Variants in PSD3 observed in about 807,000 individuals in gnomAD.
PSD3 encodes the protein pleckstrin and Sec7 domain containing 3, also known as PH and SEC7 domain-containing protein 3.
A neutral mutation model predicts 105.5 loss-of-function variants in PSD3; 49 were observed. The ratio of observed to expected loss-of-function variants is 0.46; its 90% confidence interval spans 0.37 to 0.59. The LOEUF is 0.59. Among genes scored for constraint, PSD3 ranks in the 20% least tolerant of loss-of-function variants. The probability of loss-of-function intolerance (pLI) is 0.00; values close to 1 mark genes in which losing one functional copy is unlikely to be tolerated. For synonymous variants in PSD3, 557 were observed against 457.8 expected, an observed-to-expected ratio of 1.22 and a Z score of -2.77; for missense variants, 1,561 against 1,263.8, an observed-to-expected ratio of 1.24 and a Z score of -3.57.
intron 8 of PSD3, among the ~76,000 whole-genome samples, chr8:18,777,580 A>G (rs1164801885): frequency 2.6e-5 from 4 of 152,204 alleles, no homozygotes; most frequent in African/African-American, 9.6e-5. Flanking sequence ...GGTACATGTG[A>G]TATTTTGAAA....
intron 9 of PSD3, among the ~76,000 whole-genome samples, chr8:18,662,091 G>GA (rs1457251339): frequency 2.6e-5 from 4 of 151,712 alleles, no homozygotes; most frequent in African/African-American, 9.7e-5. Flanking sequence ...CTTATGTTGT[G>GA]ATGTACTTCC....
intron 1 of PSD3, among the ~76,000 whole-genome samples, chr8:19,081,777 A>G (rs150055313): frequency 2.1e-3 from 326 of 152,292 alleles, no homozygotes; most frequent in African/African-American, 7.0e-3. Flanking sequence ...AAATTCAGCC[A>G]TTTTGAATCC....
rs201595906 is a variant in PSD3 at position 18,601,764 on chromosome 8, C to CATAT, written c.2411-1334_2411-1331dup. On this transcript the variant is annotated intron_variant, in intron 11 of 15. Coordinates refer to ENST00000327040, the MANE Select transcript of PSD3 (RefSeq NM_015310.4). ...AAGATAAACAGATAACCATACATCACATATAAAATAAATATTCACTACATT... is the reference window on the plus strand; with the variant it reads ...AAGATAAACAGATAACCATACATCACATATATATAAAATAAATATTCACTACATT... Among the ~76,000 whole-genome samples the CATAT allele has an allele frequency of 6.2e-3, 942 of 152,334 alleles. 6 individuals carry two copies. Among genetic ancestry groups the CATAT allele is most frequent in the African/African-American group, 0.021 (875 of 41,568 alleles).
intron 9 of PSD3, among the ~76,000 whole-genome samples, chr8:18,719,752 C>A (rs1802831278): frequency 6.6e-6 from 1 of 152,090 alleles, no homozygotes; most frequent in Non-Finnish European, 1.5e-5. Context: ...TATTTTTAAT[C>A]TTCAAGTTAC....
chr8:19,023,648 G>C lies in PSD3; in HGVS notation c.324+60558C>G, dbSNP rs139437631. On this transcript the variant is annotated intron_variant, in intron 1 of 1. Transcript: ENST00000521475. The stretch of plus-strand genomic sequence containing the variant: ...TAAAGGTTCTCACTATGTTGCCCAG[G>C]CTGGTCTGGAACTCCCGGCCTCAAG... Among the ~76,000 whole-genome samples, 626 of 152,000 alleles carry C rather than the reference G, an allele frequency of 4.1e-3. 4 individuals carry two copies. The highest frequency in any genetic ancestry group is 0.015 in the African/African-American group (610 of 41,448).
chr8:18,954,056 G>C (rs945033866), intron 1 of PSD3, among the ~76,000 whole-genome samples: 2 of 152,120 alleles, frequency 1.3e-5, no homozygotes, highest in African/African-American at 4.8e-5. Context: ...ATGGATACCA[G>C]CTGTATTGGT....
intron 12 of PSD3, 129 bp from the exon 13 acceptor site, chr8:18,575,414 C>A (rs1546002): frequency 3.4e-6 from 3 of 877,006 alleles, no homozygotes; most frequent in Non-Finnish European, 4.8e-6. Context: ...ATGAAACAAA[C>A]GGTGAGTAAA....
chr8:18,547,304 C>G (rs1585213843), intron 15 of PSD3, among the ~76,000 whole-genome samples: 1 of 152,228 alleles, frequency 6.6e-6, no homozygotes, highest in South Asian at 2.1e-4. Flanking sequence ...TGCTCCTAAT[C>G]TGAAGCAATG....
chr8:18,669,588 G>C (rs1255474082), intron 9 of PSD3, among the ~76,000 whole-genome samples: 3 of 152,322 alleles, frequency 2.0e-5, no homozygotes, highest in African/African-American at 7.2e-5. Context: ...GGGAGGCACT[G>C]GACAAAGGAA....
chr8:18,573,364 G>T (rs1052721367), intron 13 of PSD3, among the ~76,000 whole-genome samples: 1 of 152,124 alleles, frequency 6.6e-6, no homozygotes, highest in Non-Finnish European at 1.5e-5. Flanking sequence ...CAGCTACTTG[G>T]GAGGCTGAGG....
chr8:18,910,627 T>TA (rs1244285155), intron 2 of PSD3, among the ~76,000 whole-genome samples: 5 of 101,208 alleles, frequency 4.9e-5, no homozygotes, highest in East Asian at 2.7e-4. Context: ...CCCTAAAACT[T>TA]AGAGTATAAT....
At chr8:18,969,709 G>A (rs777615139) in intron 1 of PSD3, among the ~76,000 whole-genome samples, 2 of 152,088 alleles carry the variant, frequency 1.3e-5, no homozygotes. Context: ...TTACTCCACA[G>A]ACCTGAATTC....
intron 1 of PSD3, among the ~76,000 whole-genome samples, chr8:18,952,293 A>T (rs1823289356): frequency 6.6e-6 from 1 of 152,204 alleles, no homozygotes. Flanking sequence ...CATAATTGGA[A>T]CATAAAAATA....
At chr8:18,890,521 C>A (rs376016502) in intron 2 of PSD3, among the ~76,000 whole-genome samples, 1 of 152,036 alleles carries the variant, frequency 6.6e-6, no homozygotes, top group Non-Finnish European at 1.5e-5. Context: ...TACTCTAATA[C>A]GCTGTTTTGA....
chr8:18,750,642 A>T (rs1805401177), intron 9 of PSD3, among the ~76,000 whole-genome samples: 2 of 152,044 alleles, frequency 1.3e-5, no homozygotes, highest in Admixed American at 6.5e-5. Flanking sequence ...GGCCCCACCC[A>T]CATCCTGCTG....
intron 1 of PSD3, among the ~76,000 whole-genome samples, chr8:19,027,639 A>T (rs560340886): frequency 5.4e-4 from 82 of 152,274 alleles, no homozygotes; most frequent in African/African-American, 1.9e-3. Flanking sequence ...CTGCTGACAG[A>T]GTTTTAGCTC....
At chr8:18,989,963 A>C (rs911327255) in intron 1 of PSD3, among the ~76,000 whole-genome samples, 58 of 152,166 alleles carry the variant, frequency 3.8e-4, no homozygotes, top group African/African-American at 1.4e-3. Flanking sequence ...AACTCCAAGA[A>C]TCCCCATTAA....
rs372017463 is a variant in PSD3 at position 18,812,907 on chromosome 8, C to T, written c.1635-8009G>A. 4.6e-5 allele frequency among the ~76,000 whole-genome samples: 7 copies of T among 152,186 alleles called. No homozygotes were observed. The East Asian group carries it at 1.2e-3, about 25-fold the overall frequency. On this transcript the variant is annotated intron_variant, in intron 4 of 15. Transcript: ENST00000327040. ...TACCCCTCTAACACACAGGAAGTCA[C>T]TATAGGTCTAAAGAGAGGAACAACA...
intron 1 of PSD3, among the ~76,000 whole-genome samples, chr8:18,991,531 T>C (rs1341461964): frequency 6.6e-6 from 1 of 152,054 alleles, no homozygotes; most frequent in African/African-American, 2.4e-5. Context: ...CCAGAATTGG[T>C]CCAAAATTGG....
Sources: gnomAD v4.1 joint callset for allele counts (sites outside exome capture counted in the v4.1 genomes callset) on GRCh38, gnomAD v4.1.1 for gene constraint, MANE v1.5 for transcripts, NCBI Gene and HGNC (gene_info 2026-07-23, HGNC 2026-07-21) for gene names.